Variants in PDK3 observed in about 807,000 individuals in gnomAD.
The protein encoded by PDK3 is pyruvate dehydrogenase kinase, isozyme 3.
Under a neutral mutation model 32.0 loss-of-function variants are expected in PDK3, and 12 were observed. That is an observed-to-expected ratio of 0.37 (90% CI 0.24 to 0.61). The LOEUF is 0.61. Ranked by LOEUF, PDK3 falls within the 20% of genes least tolerant of loss-of-function variation. PDK3 has a pLI of 0.65. For missense variants in PDK3, 188 were observed against 316.9 expected, an observed-to-expected ratio of 0.59 and a Z score of 3.09; for synonymous variants, 122 against 116.3, an observed-to-expected ratio of 1.05 and a Z score of -0.31.
chrX:24,508,053 C>A (rs1922026987), intron 5 of PDK3, among the ~76,000 whole-genome samples: 1 of 111,379 alleles, frequency 9.0e-6, no homozygotes. Context: ...TAAAGAACTA[C>A]CTGAAACTGG....
chrX:24,509,994 G>C (rs1922077797), intron 5 of PDK3, among the ~76,000 whole-genome samples: 1 of 112,328 alleles, frequency 8.9e-6, no homozygotes, highest in African/African-American at 3.2e-5. Context: ...TTAAAACCAA[G>C]TTGAATGCTT....
chrX:24,471,203 TA>T (rs1301532233), intron 1 of PDK3, among the ~76,000 whole-genome samples: 3 of 111,822 alleles, frequency 2.7e-5, no homozygotes, highest in South Asian at 3.7e-4. Context: ...TAAAGTATAA[TA>T]AAAAAAATTA....
At chrX:24,481,043 CTTTTTCTTTT>C (rs1921241042) in intron 1 of PDK3, among the ~76,000 whole-genome samples, 1 of 82,038 alleles carries the variant, frequency 1.2e-5, no homozygotes, top group South Asian at 7.0e-4. Flanking sequence ...TACTCTTTTT[CTTTTTCTTTT>C]TTTTTTTTTT....
chrX:24,534,059 A>C lies in PDK3; in HGVS notation c.1208A>C (p.Lys403Thr). Residue 403 changes from lysine (K) to threonine (T), a missense_variant, in exon 11 of 11, where the codon AAA (lysine) becomes ACA (threonine). Lys to Thr is a moderately conservative substitution (Grantham distance 78). Transcript: ENST00000379162. ...GAACCCAGGGATGCTTCAAAATACA[A>C]AGCAAAACAGTAATATACCACCTTG... is the stretch of plus-strand genomic sequence containing the variant. ...SSEPRDASKYKAKQ is the reference protein window; with the variant it reads ...SSEPRDASKYTAKQ 3 of 1,203,679 alleles carry C rather than the reference A, an allele frequency of 2.5e-6. No homozygotes were observed. The South Asian group carries it at 5.4e-5, about 22-fold the overall frequency.
At chrX:24,547,745 A>G (rs1374711088) in exon 12 of PDK3, 6 of 112,701 alleles carry the variant, frequency 5.3e-5, no homozygotes, top group Admixed American at 9.4e-5. Context: ...TATTCTAGCT[A>G]ATTATTTTAA....
At chrX:24,517,638 G>T (rs774789824) in intron 5 of PDK3, among the ~76,000 whole-genome samples, 1 of 112,677 alleles carries the variant, frequency 8.9e-6, no homozygotes, top group Admixed American at 9.4e-5. Flanking sequence ...GAGAGAAAAG[G>T]CATATATGCA....
chrX:24,500,760 A>T (rs1187048313), intron 3 of PDK3, among the ~76,000 whole-genome samples: 1 of 111,773 alleles, frequency 8.9e-6, no homozygotes, highest in African/African-American at 3.3e-5. Context: ...CAGGGAAATC[A>T]TTTTAGTAAA....
intron 6 of PDK3, among the ~76,000 whole-genome samples, chrX:24,519,366 CTTTT>C (rs1201625079): frequency 1.2e-5 from 1 of 86,702 alleles, no homozygotes. Flanking sequence ...AGACAAATGC[CTTTT>C]TTTTTTTTTT....
chrX:24,499,243 A>T (rs1422249024), intron 3 of PDK3, among the ~76,000 whole-genome samples: 1 of 110,495 alleles, frequency 9.1e-6, no homozygotes, highest in African/African-American at 3.3e-5. Context: ...GAATTTATCT[A>T]CTCAATCCTT....
chrX:24,540,604 G>A (rs1322209015), exon 12 of PDK3, among the ~76,000 whole-genome samples: 1 of 110,793 alleles, frequency 9.0e-6, no homozygotes, highest in East Asian at 2.8e-4. Flanking sequence ...CTTTTATTTC[G>A]TTATATTACC....
chrX:24,509,065 A>AG (rs1317537099), intron 5 of PDK3, among the ~76,000 whole-genome samples: 1 of 112,065 alleles, frequency 8.9e-6, no homozygotes, highest in Non-Finnish European at 1.9e-5. Context: ...GTCTGGAATT[A>AG]TTCTTATACG....
intron 1 of PDK3, among the ~76,000 whole-genome samples, chrX:24,471,126 CA>C (rs1220668788): frequency 9.0e-6 from 1 of 110,895 alleles, no homozygotes; most frequent in African/African-American, 3.3e-5. Context: ...ATGGGTGCAG[CA>C]AACCACCATG....
intron 1 of PDK3, among the ~76,000 whole-genome samples, chrX:24,481,738 C>T (rs1261814596): frequency 8.9e-6 from 1 of 112,127 alleles, no homozygotes; most frequent in Non-Finnish European, 1.9e-5. Flanking sequence ...CTTGCTTCCC[C>T]TTCGCCTCTG....
chrX:24,520,414 A>T (rs1444682828), intron 6 of PDK3, among the ~76,000 whole-genome samples: 1 of 112,159 alleles, frequency 8.9e-6, no homozygotes, highest in Non-Finnish European at 1.9e-5. Context: ...TTTTTAAAAA[A>T]ATACAGGCTA....
intron 3 of PDK3, among the ~76,000 whole-genome samples, chrX:24,501,354 A>G (rs73484282): frequency 0.098 from 11,012 of 112,383 alleles, 836 homozygotes; most frequent in African/African-American, 0.26. Flanking sequence ...ATCTTCTATC[A>G]CTGGATTTTA....
exon 12 of PDK3, chrX:24,547,560 C>T (rs1436051630): frequency 1.8e-5 from 2 of 112,041 alleles, no homozygotes; most frequent in Non-Finnish European, 3.8e-5. Context: ...ATTTTGAATA[C>T]CATGGCTTGA....
At chrX:24,487,080 G>C (rs1921419694) in intron 1 of PDK3, among the ~76,000 whole-genome samples, 1 of 112,462 alleles carries the variant, frequency 8.9e-6, no homozygotes, top group Non-Finnish European at 1.9e-5. Flanking sequence ...GTGAGAAACT[G>C]CTCATGAAAC....
intron 5 of PDK3, among the ~76,000 whole-genome samples, chrX:24,506,729 T>G (rs1400464040): frequency 9.1e-6 from 1 of 110,394 alleles, no homozygotes; most frequent in African/African-American, 3.3e-5. Flanking sequence ...CAATTCAGTG[T>G]TTTTTAGTGT....
chrX:24,520,001 C>T (rs1245930654), intron 6 of PDK3, among the ~76,000 whole-genome samples: 1 of 111,456 alleles, frequency 9.0e-6, no homozygotes, highest in African/African-American at 3.3e-5. Flanking sequence ...AAGACCAACC[C>T]GAGTGACATG....
Sources: gnomAD v4.1 joint callset for allele counts (sites outside exome capture counted in the v4.1 genomes callset) on GRCh38, gnomAD v4.1.1 for gene constraint, MANE v1.5 for transcripts, NCBI Gene and HGNC (gene_info 2026-07-23, HGNC 2026-07-21) for gene names.